NGLY1: variants seen among roughly 807,000 people sequenced by gnomAD.
NGLY1 encodes the protein N-glycanase 1, also known as peptide-N(4)-(N-acetyl-beta-glucosaminyl)asparagine amidase.
Under a neutral mutation model 84.6 loss-of-function variants are expected in NGLY1, and 68 were observed. That is an observed-to-expected ratio of 0.80 (90% CI 0.66 to 0.98). NGLY1 has a LOEUF of 0.98. Ranked by LOEUF, NGLY1 falls within the 50% of genes least tolerant of loss-of-function variation. The probability of loss-of-function intolerance (pLI) is 0.00; values close to 1 mark genes in which losing one functional copy is unlikely to be tolerated. For missense variants in NGLY1, 779 were observed against 770.2 expected (o/e 1.01, Z -0.14); for synonymous variants, 280 against 275.2 (o/e 1.02, Z -0.17).
At chr3:25,766,429 G>A (rs1030738789) in intron 2 of NGLY1, among the ~76,000 whole-genome samples, 10 of 152,240 alleles carry the variant, frequency 6.6e-5, no homozygotes, top group Admixed American at 5.9e-4. Context: ...CAGAACAACT[G>A]GCAGAGCAGG....
rs1004839390 is a variant in NGLY1, at chr3:25,773,578, T to A, written c.246+4996A>T. ...TTAAGTTCTCTGGTGTCTCCTTAAG[T>A]AACCTAATAATTGACCTTCTGAATT... is the stretch of plus-strand genomic sequence containing the variant. On this transcript the variant is annotated intron_variant, in intron 2 of 11. Transcript: ENST00000280700. 5.3e-4 allele frequency among the ~76,000 whole-genome samples: 80 copies of A among 152,248 alleles called. 1 individual carries two copies. Among genetic ancestry groups the A allele is most frequent in the Admixed American group, 5.2e-3 (79 of 15,288 alleles).
chr3:25,750,868 C>A (rs1575634581), intron 4 of NGLY1, among the ~76,000 whole-genome samples: 1 of 152,152 alleles, frequency 6.6e-6, no homozygotes, highest in South Asian at 2.1e-4. Flanking sequence ...AGAATCCACA[C>A]ATACTCATGT....
At chr3:25,772,923 A>C (rs1248702889) in intron 2 of NGLY1, among the ~76,000 whole-genome samples, 1 of 152,092 alleles carries the variant, frequency 6.6e-6, no homozygotes, top group Non-Finnish European at 1.5e-5. Flanking sequence ...CTTAGCTGAT[A>C]ATTATTTTGT....
Position 25,783,365 on chromosome 3 carries a change from G to T in NGLY1, c.26C>A (p.Ser9Tyr). ...CACGGCCGGGGACGCCGAGCCTGAG[G>T]AGCTGCCCAATGCCGCCGCCGCCAT... MAAAALGS[S>Y]SGSASPAVAE... The change falls in exon 1 of 12, where the codon TCC (serine) becomes TAC (tyrosine). Residue 9 changes from serine to tyrosine, a missense_variant. By Grantham distance (144) the Ser-to-Tyr change is moderately radical. Transcript: ENST00000280700. This position sits in a 1 kb window ranked among gnomAD's most constrained non-coding sequence, Gnocchi z 4.5. 2 of 1,557,496 alleles carry T rather than the reference G, an allele frequency of 1.3e-6. No homozygotes were observed. Among genetic ancestry groups the T allele is most frequent in the South Asian group, 2.3e-5 (2 of 85,676 alleles).
Position 25,783,141 on chromosome 3 carries a change from C to T in NGLY1, c.131+119G>A, listed in dbSNP as rs1708498051. The T allele has an allele frequency of 2.1e-6, 2 of 933,260 alleles. No homozygotes were observed. Among genetic ancestry groups the T allele is most frequent in the Middle Eastern group, 3.3e-4 (1 of 3,010 alleles). The allele number at this position is 933,260 out of a possible 1,614,324, so 57.8% of individuals were successfully genotyped here. ...TAGGAGCAGAACCAGCTCCAGGTCC[C>T]GGTCTGTCCGGGCGTCGCTGCCCTC... On this transcript the variant is annotated intron_variant, in intron 1 of 11. Coordinates refer to ENST00000280700, the MANE Select transcript of NGLY1 (RefSeq NM_018297.4). The surrounding 1 kb of genome is among the most constrained non-coding windows in gnomAD (Gnocchi z 4.5).
At position 25,719,400 on chromosome 3, in the gene NGLY1, C is replaced by G. The variant is rs1704861982; in HGVS notation, c.*60G>C. The G allele has an allele frequency of 6.7e-7, 1 of 1,481,626 alleles. No homozygotes were observed. Among genetic ancestry groups the G allele is most frequent in the Non-Finnish European group, 9.3e-7 (1 of 1,071,520 alleles). 91.8% of individuals were successfully genotyped at this position (1,481,626 alleles called of 1,614,324 possible). ...AACTGCCAACTAAGCATGCACTGAACCAACAGACTACTTCAGTAAGTCCTT... is the reference window on the plus strand; with the variant it reads ...AACTGCCAACTAAGCATGCACTGAAGCAACAGACTACTTCAGTAAGTCCTT... On this transcript the variant is annotated 3_prime_UTR_variant, in exon 12 of 12. Transcript: ENST00000280700.
chr3:25,720,102 A>C lies in NGLY1; in HGVS notation c.1701T>G (p.Ile567Met), dbSNP rs775661479. 1 of 1,613,812 alleles carries C rather than the reference A, an allele frequency of 6.2e-7. No individual in the cohort carries two copies. The highest frequency in any genetic ancestry group is 1.3e-5 in the African/African-American group (1 of 75,034). Residue 567 changes from isoleucine to methionine, a missense_variant, in exon 11 of 12, where the codon ATT (isoleucine) becomes ATG (methionine). By Grantham distance (10) the Ile-to-Met change is conservative. Coordinates refer to ENST00000280700, the MANE Select transcript of NGLY1 (RefSeq NM_018297.4). ...AAGTTTGACTACTTGTTCTAATAGA[A>C]ATGCTATCTACTTTTAGGCCAACTG... is the stretch of plus-strand genomic sequence containing the variant. Reference protein sequence around the residue: ...CGSVGLKVDSISIRTSSQTFQ... With the variant: ...CGSVGLKVDSMSIRTSSQTFQ...
intron 4 of NGLY1, among the ~76,000 whole-genome samples, chr3:25,742,572 A>G (rs957589722): frequency 1.3e-5 from 2 of 152,210 alleles, no homozygotes; most frequent in African/African-American, 4.8e-5. Flanking sequence ...CCCATATAAT[A>G]TGAAAGCTTT....
At chr3:25,773,856 G>A (rs1402126214) in intron 2 of NGLY1, among the ~76,000 whole-genome samples, 1 of 152,204 alleles carries the variant, frequency 6.6e-6, no homozygotes, top group Non-Finnish European at 1.5e-5. Context: ...GGGGCTTCCT[G>A]AGAGCTGGAC....
At chr3:25,755,765 C>A (rs561581738) in intron 3 of NGLY1, 3 of 792,130 alleles carry the variant, frequency 3.8e-6, no homozygotes, top group Non-Finnish European at 6.0e-6. Context: ...TAGATCTTCT[C>A]GTTTTACCTT....
chr3:25,759,699 G>C (rs1384737644), intron 3 of NGLY1, among the ~76,000 whole-genome samples: 3 of 152,140 alleles, frequency 2.0e-5, no homozygotes, highest in Non-Finnish European at 4.4e-5. Flanking sequence ...AGAGACTAAA[G>C]TTACTTAGAG....
intron 10 of NGLY1, among the ~76,000 whole-genome samples, chr3:25,721,657 G>A (rs756747614): frequency 8.3e-5 from 12 of 143,808 alleles, no homozygotes; most frequent in South Asian, 6.7e-4. Context: ...GCTGAGGCAG[G>A]AGAATGGTGT....
At chr3:25,768,374 A>C (rs1447796719) in intron 2 of NGLY1, among the ~76,000 whole-genome samples, 1 of 150,442 alleles carries the variant, frequency 6.6e-6, no homozygotes, top group African/African-American at 2.4e-5. Context: ...GTGAGTAGTG[A>C]CTGTGCCACT....
At chr3:25,771,018 A>T (rs1481004512) in intron 2 of NGLY1, among the ~76,000 whole-genome samples, 1 of 151,998 alleles carries the variant, frequency 6.6e-6, no homozygotes, top group Non-Finnish European at 1.5e-5. Context: ...TCTGCTGATT[A>T]TTTCTTTTGC....
chr3:25,783,519 C>T (rs1419352764), upstream of NGLY1: 1 of 904,858 alleles, frequency 1.1e-6, no homozygotes, highest in African/African-American at 1.9e-5. The surrounding 1 kb of genome is among the most constrained non-coding windows in gnomAD (Gnocchi z 4.5). Flanking sequence ...GGGGCGGGGT[C>T]CTCGGCCGGC....
intron 4 of NGLY1, among the ~76,000 whole-genome samples, chr3:25,748,282 TATA>T (rs984156849): frequency 1.4e-4 from 22 of 152,084 alleles, no homozygotes; most frequent in African/African-American, 2.7e-4. Context: ...AGGGCTCCAG[TATA>T]ATAACAATGG....
chr3:25,735,969 C>T, intron 7 of NGLY1, 35 bp downstream of exon 7: 2 of 1,537,620 alleles, frequency 1.3e-6, no homozygotes, highest in Non-Finnish European at 1.8e-6. Flanking sequence ...ATATATTTTA[C>T]TTTTGGAAAA....
At chr3:25,757,271 T>C (rs1707089363) in intron 3 of NGLY1, among the ~76,000 whole-genome samples, 1 of 152,160 alleles carries the variant, frequency 6.6e-6, no homozygotes, top group Non-Finnish European at 1.5e-5. Context: ...TAGGATATCA[T>C]TACTTGAATG....
At chr3:25,744,479 A>G (rs187365646) in intron 4 of NGLY1, among the ~76,000 whole-genome samples, 1 of 152,352 alleles carries the variant, frequency 6.6e-6, no homozygotes, top group East Asian at 1.9e-4. Flanking sequence ...AAAGGAAAAA[A>G]CAGTGCACTG....
Sources: gnomAD v4.1 joint callset for allele counts (sites outside exome capture counted in the v4.1 genomes callset) on GRCh38, gnomAD v4.1.1 for gene constraint, Gnocchi (gnomAD v3.1) non-coding constraint, MANE v1.5 for transcripts, NCBI Gene and HGNC (gene_info 2026-07-23, HGNC 2026-07-21) for gene names.